Variants in LAMA2 observed in about 807,000 individuals in gnomAD.
LAMA2 encodes laminin subunit alpha 2.
Under a neutral mutation model 364.8 loss-of-function variants are expected in LAMA2, and 269 were observed. That is an observed-to-expected ratio of 0.74 (90% CI 0.67 to 0.82). The LOEUF (loss-of-function observed/expected upper bound fraction) is 0.82, where lower values mean the gene tolerates loss of function less well. Ranked by LOEUF, LAMA2 falls within the 40% of genes least tolerant of loss-of-function variation. The pLI, the probability that LAMA2 is intolerant of heterozygous loss-of-function variation, is 0.00. For synonymous variants in LAMA2, 1,379 were observed against 1,370.6 expected (o/e 1.01, Z -0.14); for missense variants, 3,807 against 3,873.2 (o/e 0.98, Z 0.45).
At chr6:129,210,003 CAAAAA>C (rs374127279) in intron 12 of LAMA2, among the ~76,000 whole-genome samples, 11,502 of 67,680 alleles carry the variant, frequency 0.17, 811 homozygotes, top group African/African-American at 0.29. Context: ...GACTCCATCT[CAAAAA>C]AAAAAAAAAA....
Position 129,066,045 on chromosome 6 carries a change from T to C in LAMA2, c.396+6149T>C, listed in dbSNP as rs1219059145. On this transcript the variant is annotated intron_variant, in intron 3 of 64. Transcript: ENST00000421865. ...TAAATTGCCCAGTCTCAGGTTTTTT[T>C]TTTTTTTTTTTTTTTTTTGAGACGC... is the stretch of plus-strand genomic sequence containing the variant. Among the ~76,000 whole-genome samples the C allele has an allele frequency of 6.1e-5, 5 of 81,970 alleles. 1 individual carries two copies. The highest frequency in any genetic ancestry group is 5.5e-4 in the Admixed American group (4 of 7,246). 53.8% of individuals were successfully genotyped at this position (81,970 alleles called of 152,430 possible). A position where few individuals can be genotyped will look rare whatever the true frequency, so the allele number is the denominator to read the frequency against.
chr6:128,927,587 A>C (rs368036244), intron 1 of LAMA2, among the ~76,000 whole-genome samples: 1 of 152,112 alleles, frequency 6.6e-6, no homozygotes, highest in Non-Finnish European at 1.5e-5. Context: ...GAAGTATCCC[A>C]TTCTTTCCAC....
At chr6:128,930,045 G>C (rs1414621659) in intron 1 of LAMA2, 4 of 412,732 alleles carry the variant, frequency 9.7e-6, no homozygotes, top group Non-Finnish European at 1.8e-5. Context: ...GCGCCGTGGC[G>C]CCCGCAGCCC....
chr6:129,515,403 G>C lies in LAMA2; in HGVS notation c.9212-787G>C, dbSNP rs543931970. Among the ~76,000 whole-genome samples, 5 of 152,284 alleles carry C rather than the reference G, an allele frequency of 3.3e-5. No individual in the cohort carries two copies. In the South Asian group the frequency reaches 8.3e-4, roughly 25 times the overall value. Reference sequence around the variant, plus strand: ...CAAAGTGGCTTCTGTGTTTTAAAAAGATCTTTTGCTTCAATCAGGATAAAT... The same window carrying C: ...CAAAGTGGCTTCTGTGTTTTAAAAACATCTTTTGCTTCAATCAGGATAAAT... On this transcript the variant is annotated intron_variant, in intron 64 of 64. Coordinates refer to ENST00000421865, the MANE Select transcript of LAMA2 (RefSeq NM_000426.4).
In LAMA2 at chr6:129,456,378, C is replaced by T; in HGVS notation, c.6751C>T (p.Pro2251Ser). 6.2e-7 allele frequency: 1 copy of T among 1,613,592 alleles called. No homozygotes were observed. Among genetic ancestry groups the T allele is most frequent in the Non-Finnish European group, 8.5e-7 (1 of 1,179,648 alleles). The change falls in exon 48 of 65, where the codon CCC (proline) becomes TCC (serine). Residue 2251 changes from proline (P) to serine (S), a missense_variant. Physicochemically the swap from Pro to Ser is moderately conservative, Grantham distance 74. Coordinates refer to ENST00000421865, the MANE Select transcript of LAMA2 (RefSeq NM_000426.4). Reference protein sequence around the residue: ...GTISVRALDGPKASIVPSTHH... With the variant: ...GTISVRALDGSKASIVPSTHH... ...TATTTCTGTGAGAGCCCTGGATGGA[C>T]CCAAAGCCAGCATTGTGCCCAGCAC...
intron 1 of LAMA2, among the ~76,000 whole-genome samples, chr6:128,954,596 C>T (rs1049955945): frequency 2.6e-5 from 4 of 151,870 alleles, no homozygotes; most frequent in Non-Finnish European, 5.9e-5. Flanking sequence ...TTTACATTAT[C>T]GATTCCTTGA....
At chr6:129,148,931 G>C (rs376838559) in intron 6 of LAMA2, 48 bp from the exon 7 acceptor site, 3 of 1,198,666 alleles carry the variant, frequency 2.5e-6, no homozygotes, top group Non-Finnish European at 2.5e-6. Flanking sequence ...CTTCCTTTAT[G>C]GTTCTAAATG....
At chr6:129,387,307 C>G (rs1054860640) in intron 35 of LAMA2, among the ~76,000 whole-genome samples, 1 of 152,238 alleles carries the variant, frequency 6.6e-6, no homozygotes, top group African/African-American at 2.4e-5. Context: ...ATGAAAAAAG[C>G]TCATCACCAC....
rs71028134 is a variant in LAMA2 at position 128,933,230 on chromosome 6, CTGTG to C, written c.112+49905_112+49908del. 6.6e-3 allele frequency among the ~76,000 whole-genome samples: 970 copies of C among 146,208 alleles called. 8 individuals carry two copies. Among genetic ancestry groups the C allele is most frequent in the Admixed American group, 0.023 (335 of 14,570 alleles). The stretch of plus-strand genomic sequence containing the variant: ...TCTATCTCCCTCTCTCCCTCTCTTT[CTGTG>C]TGTGTGTGTGTGTGTGTGTGTGTGT... On this transcript the variant is annotated intron_variant, in intron 1 of 64. Coordinates refer to ENST00000421865, the MANE Select transcript of LAMA2 (RefSeq NM_000426.4).
At chr6:129,155,597 T>TTG (rs1186950831) in intron 8 of LAMA2, among the ~76,000 whole-genome samples, 1 of 152,074 alleles carries the variant, frequency 6.6e-6, no homozygotes, top group Non-Finnish European at 1.5e-5. Flanking sequence ...AAGTAAATGT[T>TTG]TGTGTGTGGT....
rs372489349 is a variant in LAMA2 at position 129,516,143 on chromosome 6, G to T, written c.9212-47G>T. 2.8e-4 allele frequency: 454 copies of T among 1,598,248 alleles called. 1 individual carries two copies. Among genetic ancestry groups the T allele is most frequent in the Non-Finnish European group, 3.7e-4 (432 of 1,165,670 alleles). ...ACTTTGAAACATGCTCTTAATATTT[G>T]GTGCAGGACATTTCAAAGCTGAGCC... On this transcript the variant is annotated intron_variant, in intron 64 of 64. Coordinates refer to ENST00000421865, the MANE Select transcript of LAMA2 (RefSeq NM_000426.4).
At chr6:129,080,881 T>A (rs1774007733) in intron 3 of LAMA2, among the ~76,000 whole-genome samples, 1 of 152,168 alleles carries the variant, frequency 6.6e-6, no homozygotes, top group South Asian at 2.1e-4. Context: ...GACCCAGCCA[T>A]CCCATTACTG....
intron 33 of LAMA2, 80 bp from the exon 34 acceptor site, chr6:129,369,812 T>C: frequency 2.5e-6 from 3 of 1,204,968 alleles, no homozygotes; most frequent in East Asian, 2.3e-5. Context: ...GTTCCTTTTA[T>C]ATACAAAAAT....
intron 1 of LAMA2, among the ~76,000 whole-genome samples, chr6:128,982,515 T>G (rs1782950654): frequency 6.6e-6 from 1 of 152,160 alleles, no homozygotes; most frequent in Admixed American, 6.5e-5. Flanking sequence ...AAAGTTTAAT[T>G]TTTGTCAATT....
chr6:129,481,154 G>A, intron 54 of LAMA2, 109 bp from the exon 55 acceptor site: 1 of 841,356 alleles, frequency 1.2e-6, no homozygotes, highest in East Asian at 2.5e-5. Flanking sequence ...CTAAACCTAT[G>A]ATGTATTTCA....
At chr6:129,492,544 A>G in intron 58 of LAMA2, 61 bp downstream of exon 58, 3 of 1,450,734 alleles carry the variant, frequency 2.1e-6, no homozygotes, top group African/African-American at 1.4e-5. Flanking sequence ...GAGTCATTTC[A>G]GAAGGAAGAT....
Position 129,492,303 on chromosome 6 carries a change from AC to A in LAMA2, c.8076-11del. 6.2e-7 allele frequency: 1 copy of A among 1,612,702 alleles called. No homozygotes were observed. Among genetic ancestry groups the A allele is most frequent in the African/African-American group, 1.3e-5 (1 of 75,036 alleles). On this transcript the variant is annotated splice_polypyrimidine_tract_variant and intron_variant, in intron 57 of 64. Coordinates refer to ENST00000421865, the MANE Select transcript of LAMA2 (RefSeq NM_000426.4). ...CGAAAATAAAAAAATCTTATTTATT[AC>A]ATTCTATTAGCCCCATGGACTTTGC...
chr6:128,904,171 G>T (rs550005816), intron 1 of LAMA2, among the ~76,000 whole-genome samples: 46 of 152,180 alleles, frequency 3.0e-4, no homozygotes, highest in African/African-American at 1.1e-3. Context: ...CACCTCCTCC[G>T]CCTCTTTTCT....
intron 53 of LAMA2, among the ~76,000 whole-genome samples, chr6:129,478,199 C>CTTA (rs752500537): frequency 6.6e-6 from 1 of 151,940 alleles, no homozygotes; most frequent in Non-Finnish European, 1.5e-5. Flanking sequence ...GTAATATTAT[C>CTTA]TTATTTTTTA....
Sources: allele counts gnomAD v4.1 joint callset (sites outside exome capture counted in the v4.1 genomes callset), GRCh38; gene constraint gnomAD v4.1.1; transcripts MANE v1.5; gene names NCBI Gene and HGNC (gene_info 2026-07-23, HGNC 2026-07-21).